The following FGF1 variants were observed in gnomAD, a reference collection of about 807,000 sequenced individuals.
FGF1 encodes beta-endothelial cell growth factor.
In FGF1, 9 loss-of-function variants were observed where a neutral mutation model predicts 13.4. The ratio of observed to expected loss-of-function variants is 0.67; its 90% confidence interval spans 0.40 to 1.17. The LOEUF (loss-of-function observed/expected upper bound fraction) is 1.17. FGF1 is among the 50% of genes most tolerant of loss of function. The pLI, the probability that FGF1 is intolerant of heterozygous loss-of-function variation, is 0.01. For missense variants in FGF1, 156 were observed against 192.7 expected (o/e 0.81, Z 1.13); for synonymous variants, 93 against 79.0 (o/e 1.18, Z -0.94).
chr5:142,649,978 T>C (rs992284359), intron 1 of FGF1, among the ~76,000 whole-genome samples: 1 of 152,180 alleles, frequency 6.6e-6, no homozygotes, highest in Non-Finnish European at 1.5e-5. Context: ...TAAGATCAAG[T>C]GTAGTCCATG....
intron 1 of FGF1, among the ~76,000 whole-genome samples, chr5:142,626,577 C>T (rs115541223): frequency 1.5e-3 from 226 of 152,302 alleles, no homozygotes; most frequent in African/African-American, 5.1e-3. Flanking sequence ...CTACCAGCCC[C>T]CGGAACGTGT....
intron 2 of FGF1, among the ~76,000 whole-genome samples, chr5:142,607,452 G>A (rs894114087): frequency 1.2e-4 from 19 of 152,124 alleles, no homozygotes; most frequent in African/African-American, 4.3e-4. Context: ...ATACGTCCAT[G>A]GTCTGTAGGG....
chr5:142,618,933 T>TG (rs920830293), intron 1 of FGF1, among the ~76,000 whole-genome samples: 6 of 129,934 alleles, frequency 4.6e-5, no homozygotes, highest in South Asian at 5.1e-4. Flanking sequence ...TGTTTTGTTT[T>TG]TTTTTTTTTT....
At chr5:142,597,036 ATTAT>A (rs1323128982) in intron 3 of FGF1, among the ~76,000 whole-genome samples, 3 of 152,236 alleles carry the variant, frequency 2.0e-5, no homozygotes, top group Admixed American at 2.0e-4. Context: ...CAAATTAAAA[ATTAT>A]TTATCATATG....
chr5:142,655,044 T>C (rs896540598), intron 1 of FGF1, among the ~76,000 whole-genome samples: 5 of 152,250 alleles, frequency 3.3e-5, no homozygotes, highest in Non-Finnish European at 7.3e-5. Flanking sequence ...TTTTCGTTTA[T>C]GCTGCTTCCT....
chr5:142,603,238 T>C (rs1053214451), intron 2 of FGF1, among the ~76,000 whole-genome samples: 3 of 152,298 alleles, frequency 2.0e-5, no homozygotes, highest in Admixed American at 6.5e-5. Flanking sequence ...TCTTTGCACA[T>C]GCTATAGCCT....
chr5:142,678,544 T>C (rs1194377931), intron 1 of FGF1, among the ~76,000 whole-genome samples: 2 of 152,102 alleles, frequency 1.3e-5, no homozygotes, highest in Non-Finnish European at 2.9e-5. Flanking sequence ...TCTGCACTCC[T>C]CCTTTCAGCG....
intron 1 of FGF1, among the ~76,000 whole-genome samples, chr5:142,639,997 A>C (rs1325725966): frequency 1.3e-5 from 2 of 151,986 alleles, no homozygotes; most frequent in East Asian, 1.9e-4. Context: ...GTCTCTTCAC[A>C]AACCAAAGTC....
chr5:142,597,471 G>C (rs1246750416), intron 3 of FGF1, among the ~76,000 whole-genome samples: 1 of 152,108 alleles, frequency 6.6e-6, no homozygotes, highest in Non-Finnish European at 1.5e-5. Flanking sequence ...GCAGTTACTT[G>C]AAAAAAATCC....
At chr5:142,659,133 T>G (rs1040108010) in intron 1 of FGF1, among the ~76,000 whole-genome samples, 1 of 152,164 alleles carries the variant, frequency 6.6e-6, no homozygotes, top group Admixed American at 6.5e-5. Flanking sequence ...CCATCCTTGT[T>G]ATAGTGAAAC....
chr5:142,696,539 G>A (rs956898541), intron 2 of FGF1, among the ~76,000 whole-genome samples: 1 of 152,212 alleles, frequency 6.6e-6, no homozygotes, highest in Non-Finnish European at 1.5e-5. Flanking sequence ...GTACGGTGCT[G>A]TGCTAGTAGG....
intron 1 of FGF1, among the ~76,000 whole-genome samples, chr5:142,665,503 C>G (rs777893181): frequency 9.9e-5 from 15 of 152,260 alleles, no homozygotes; most frequent in East Asian, 3.9e-4. Flanking sequence ...GGACCTCCCC[C>G]CAACAAGGCT....
chr5:142,638,859 T>G (rs1609763), intron 1 of FGF1, among the ~76,000 whole-genome samples: 111,032 of 151,768 alleles, frequency 0.73, 41,027 homozygotes, highest in African/African-American at 0.81. Flanking sequence ...AATGGGTAAA[T>G]GACCTGAACA....
chr5:142,651,922 T>C (rs2151976809), intron 1 of FGF1, among the ~76,000 whole-genome samples: 1 of 151,718 alleles, frequency 6.6e-6, no homozygotes, highest in East Asian at 1.9e-4. Flanking sequence ...ACAGGGGTAA[T>C]AGGTGGCCTA....
intron 1 of FGF1, among the ~76,000 whole-genome samples, chr5:142,619,219 C>A (rs1760980467): frequency 6.6e-6 from 1 of 152,130 alleles, no homozygotes; most frequent in Non-Finnish European, 1.5e-5. Flanking sequence ...CAGGCGTGAG[C>A]CACCACGCCC....
At chr5:142,627,627 C>T (rs1762678400) in intron 1 of FGF1, among the ~76,000 whole-genome samples, 1 of 152,136 alleles carries the variant, frequency 6.6e-6, no homozygotes, top group Non-Finnish European at 1.5e-5. Flanking sequence ...CCATGGAGGC[C>T]CCAGCATGCC....
At chr5:142,653,688 T>C (rs1356085319) in intron 1 of FGF1, among the ~76,000 whole-genome samples, 2 of 152,222 alleles carry the variant, frequency 1.3e-5, no homozygotes, top group African/African-American at 4.8e-5. Context: ...GCTCTCATTG[T>C]GCTGCCTGCC....
At chr5:142,633,086 A>AT (rs1561616407) in intron 1 of FGF1, among the ~76,000 whole-genome samples, 1 of 151,944 alleles carries the variant, frequency 6.6e-6, no homozygotes, top group South Asian at 2.1e-4. Flanking sequence ...CACCCGGCTA[A>AT]TTTTTTTGAT....
chr5:142,629,896 T>TA (rs1554082565), intron 1 of FGF1, among the ~76,000 whole-genome samples: 10,593 of 65,198 alleles, frequency 0.16, 360 homozygotes, highest in African/African-American at 0.23. Flanking sequence ...TATATATATA[T>TA]TTTTTTTTTT....
Sources: allele counts gnomAD v4.1 joint callset (sites outside exome capture counted in the v4.1 genomes callset), GRCh38; gene constraint gnomAD v4.1.1; transcripts MANE v1.5; gene names NCBI Gene and HGNC (gene_info 2026-07-23, HGNC 2026-07-21).